CIMAP3: variants seen among roughly 807,000 people sequenced by gnomAD.
CIMAP3 encodes ciliary microtubule-associated protein 3.
the CIMAP3 span, among the ~76,000 whole-genome samples, chr1:111,339,054 T>C: frequency 6.6e-6 from 1 of 151,808 alleles, no homozygotes; most frequent in Non-Finnish European, 1.5e-5. Flanking sequence ...TTCAATATAC[T>C]CAAATCAATA....
chr1:111,335,234 T>C, the CIMAP3 span, among the ~76,000 whole-genome samples: 3 of 143,660 alleles, frequency 2.1e-5, no homozygotes. Context: ...GATGGCCGAA[T>C]AGAAACAGCT....
the CIMAP3 span, chr1:111,347,786 ATT>A: frequency 6.3e-7 from 1 of 1,576,570 alleles, no homozygotes; most frequent in Non-Finnish European, 8.7e-7. Flanking sequence ...ATGTGCTGGG[ATT>A]TTAGTGTTAT....
the CIMAP3 span, among the ~76,000 whole-genome samples, chr1:111,329,029 G>T: frequency 7.9e-3 from 1,208 of 152,296 alleles, 16 homozygotes; most frequent in African/African-American, 0.027. Flanking sequence ...AGGATCTCTT[G>T]TAAGGCAGAC....
At chr1:111,331,510 A>T in the CIMAP3 span, among the ~76,000 whole-genome samples, 1 of 152,116 alleles carries the variant, frequency 6.6e-6, no homozygotes, top group African/African-American at 2.4e-5. Context: ...TATTTACTTC[A>T]TTCATTGAAT....
At chr1:111,348,496 G>T in the CIMAP3 span, 19 of 1,584,410 alleles carry the variant, frequency 1.2e-5, no homozygotes, top group Non-Finnish European at 1.6e-5. Flanking sequence ...GTAACATAAT[G>T]ATCTTTTTCT....
the CIMAP3 span, chr1:111,346,504 C>T: frequency 8.1e-7 from 1 of 1,230,544 alleles, no homozygotes; most frequent in South Asian, 1.4e-5. Flanking sequence ...GGGTTCCTGC[C>T]CCAGTAGTGG....
chr1:111,329,515 C>CTATA, the CIMAP3 span, among the ~76,000 whole-genome samples: 1 of 77,016 alleles, frequency 1.3e-5, no homozygotes, highest in Non-Finnish European at 2.5e-5. Context: ...TCACATAAAC[C>CTATA]CATATATATA....
At chr1:111,327,907 G>A in the CIMAP3 span, among the ~76,000 whole-genome samples, 3 of 151,820 alleles carry the variant, frequency 2.0e-5, no homozygotes, top group South Asian at 6.2e-4. Context: ...GGGTTGATTT[G>A]TTCTTGCTTC....
At chr1:111,338,011 G>A in the CIMAP3 span, among the ~76,000 whole-genome samples, 1 of 149,328 alleles carries the variant, frequency 6.7e-6, no homozygotes, top group African/African-American at 2.5e-5. Context: ...AGACCACAGT[G>A]CAATCAAACT....
the CIMAP3 span, among the ~76,000 whole-genome samples, chr1:111,327,409 G>A: frequency 6.6e-6 from 1 of 151,914 alleles, no homozygotes; most frequent in Non-Finnish European, 1.5e-5. Flanking sequence ...CAATTTTTTG[G>A]AATCATTTCT....
chr1:111,339,929 G>T, the CIMAP3 span, among the ~76,000 whole-genome samples: 9 of 151,688 alleles, frequency 5.9e-5, no homozygotes, highest in Admixed American at 3.3e-4. Flanking sequence ...CAAAGCTGGA[G>T]GCATCACAGT....
the CIMAP3 span, among the ~76,000 whole-genome samples, chr1:111,341,630 T>C: frequency 6.6e-6 from 1 of 152,198 alleles, no homozygotes; most frequent in African/African-American, 2.4e-5. Flanking sequence ...TTACAGGTAA[T>C]GTATCAACAT....
the CIMAP3 span, among the ~76,000 whole-genome samples, chr1:111,332,213 C>A: frequency 6.6e-6 from 1 of 152,128 alleles, no homozygotes; most frequent in Admixed American, 6.5e-5. Context: ...GTCTGTGGGG[C>A]TGTTATGCAG....
chr1:111,344,114 A>G, the CIMAP3 span, among the ~76,000 whole-genome samples: 2 of 152,194 alleles, frequency 1.3e-5, no homozygotes, highest in Non-Finnish European at 2.9e-5. Context: ...AACATTTTGC[A>G]TGAAAAAAAT....
At chr1:111,352,716 C>T in the CIMAP3 span, 1 of 152,126 alleles carries the variant, frequency 6.6e-6, no homozygotes, top group Non-Finnish European at 1.5e-5. Flanking sequence ...CCTTTTTCTC[C>T]TTTGTACCCA....
the CIMAP3 span, among the ~76,000 whole-genome samples, chr1:111,347,440 G>A: frequency 3.0e-4 from 46 of 151,928 alleles, no homozygotes; most frequent in East Asian, 4.8e-3. Context: ...TATAGTCTAC[G>A]TATCCAGCCA....
At chr1:111,336,468 T>C in the CIMAP3 span, among the ~76,000 whole-genome samples, 2 of 152,016 alleles carry the variant, frequency 1.3e-5, no homozygotes, top group Non-Finnish European at 2.9e-5. Flanking sequence ...TAGAAGAATG[T>C]ATAACTAGAA....
the CIMAP3 span, chr1:111,351,279 T>G: frequency 6.2e-7 from 1 of 1,603,010 alleles, no homozygotes; most frequent in Non-Finnish European, 8.5e-7. Context: ...ACAAAGACTT[T>G]AGAAAGCATC....
At chr1:111,346,573 G>C in the CIMAP3 span, 4 of 1,602,156 alleles carry the variant, frequency 2.5e-6, no homozygotes, top group African/African-American at 5.4e-5. Context: ...CCCTCCCCGC[G>C]CTCCGCAGCT....
Sources: gnomAD v4.1 joint callset for allele counts (sites outside exome capture counted in the v4.1 genomes callset) on GRCh38, gnomAD v4.1.1 for gene constraint, MANE v1.5 for transcripts, NCBI Gene and HGNC (gene_info 2026-07-23, HGNC 2026-07-21) for gene names.